Variants in ERC2 observed in about 807,000 individuals in gnomAD.
ERC2 encodes ERC protein 2.
Under a neutral mutation model 114.8 loss-of-function variants are expected in ERC2, and 42 were observed. The ratio of observed to expected loss-of-function variants is 0.37; its 90% CI spans 0.29 to 0.47. The LOEUF is 0.47. Ranked by LOEUF, ERC2 falls within the 20% of genes least tolerant of loss-of-function variation. The pLI is 0.99. For synonymous variants in ERC2, 454 were observed against 425.5 expected, an observed-to-expected ratio of 1.07 and a Z score of -0.82; for missense variants, 939 against 1,150.7, an observed-to-expected ratio of 0.82 and a Z score of 2.66.
At chr3:56,029,787 A>AT (rs1197409954) in intron 7 of ERC2, among the ~76,000 whole-genome samples, 10 of 151,344 alleles carry the variant, frequency 6.6e-5, no homozygotes, top group Admixed American at 5.9e-4. Flanking sequence ...AATGTTATTG[A>AT]TTTTCTCTGT....
At chr3:56,192,198 G>C (rs901854904) in intron 3 of ERC2, among the ~76,000 whole-genome samples, 2 of 152,130 alleles carry the variant, frequency 1.3e-5, no homozygotes, top group African/African-American at 4.8e-5. Context: ...ATCTCTGGGA[G>C]GGTTGGGCAG....
At chr3:55,750,625 G>T (rs1402117681) in intron 14 of ERC2, among the ~76,000 whole-genome samples, 1 of 152,166 alleles carries the variant, frequency 6.6e-6, no homozygotes, top group Non-Finnish European at 1.5e-5. Flanking sequence ...GTGGCTTCCA[G>T]ATGGGGTAAG....
chr3:55,750,623 C>T (rs1230659647), intron 14 of ERC2, among the ~76,000 whole-genome samples: 6 of 152,126 alleles, frequency 3.9e-5, no homozygotes, highest in Non-Finnish European at 1.5e-5. Flanking sequence ...GAGTGGCTTC[C>T]AGATGGGGTA....
Position 55,992,114 on chromosome 3 carries a change from A to C in ERC2, c.2198T>G (p.Leu733Arg). 1 of 1,613,904 alleles carries C rather than the reference A, an allele frequency of 6.2e-7. No individual in the cohort carries two copies. The change falls in exon 11 of 18, where the codon CTC (leucine) becomes CGC (arginine). Residue 733 changes from leucine (L) to arginine (R), a missense_variant. This residue lies in a region of ERC2 where 328 missense variants were observed against 353.9 expected (regional missense o/e 0.93). Transcript: ENST00000288221. Reference sequence around the variant, plus strand: ...ATTCTTCTCATTCTCCACCTCCTTGAGGATCTCCAGCAACCGGTCCACTTC... The same window carrying C: ...ATTCTTCTCATTCTCCACCTCCTTGCGGATCTCCAGCAACCGGTCCACTTC... ...QAEVDRLLEI[L>R]KEVENEKNDK...
chr3:55,752,403 C>T (rs577204421), intron 14 of ERC2, among the ~76,000 whole-genome samples: 11 of 152,168 alleles, frequency 7.2e-5, no homozygotes, highest in African/African-American at 2.4e-4. Context: ...AGTATTTACA[C>T]GATGGAAATT....
chr3:55,691,449 C>T (rs1299302929), intron 16 of ERC2, among the ~76,000 whole-genome samples: 3 of 147,626 alleles, frequency 2.0e-5, no homozygotes, highest in African/African-American at 7.6e-5. Context: ...TAAGAGGTTT[C>T]TTCATGGGTT....
intron 14 of ERC2, among the ~76,000 whole-genome samples, chr3:55,767,132 G>A (rs2067854510): frequency 6.6e-6 from 1 of 152,188 alleles, no homozygotes. Context: ...TGACTTAAAT[G>A]GCAGGGAGGT....
chr3:55,562,220 C>G (rs2056073445), intron 17 of ERC2, among the ~76,000 whole-genome samples: 1 of 151,528 alleles, frequency 6.6e-6, no homozygotes, highest in South Asian at 2.1e-4. Flanking sequence ...GGTGTGATCC[C>G]TGCTCACTGC....
At chr3:56,403,204 T>C (rs1048348228) in intron 2 of ERC2, among the ~76,000 whole-genome samples, 6 of 152,232 alleles carry the variant, frequency 3.9e-5, no homozygotes, top group Non-Finnish European at 2.9e-5. Context: ...ATTCTAATTT[T>C]CTAGATGCCT....
chr3:56,089,075 G>A (rs1421673731), intron 6 of ERC2, among the ~76,000 whole-genome samples: 1 of 152,112 alleles, frequency 6.6e-6, no homozygotes, highest in Admixed American at 6.6e-5. Context: ...TACACTCTAT[G>A]GTATGTGTGC....
intron 2 of ERC2, among the ~76,000 whole-genome samples, chr3:56,418,810 C>G (rs1390649159): frequency 6.6e-6 from 1 of 152,194 alleles, no homozygotes; most frequent in Admixed American, 6.5e-5. Context: ...CCCCAACTCC[C>G]CCATCCCAAA....
At chr3:55,935,633 G>A (rs1401173271) in intron 13 of ERC2, among the ~76,000 whole-genome samples, 1 of 152,206 alleles carries the variant, frequency 6.6e-6, no homozygotes, top group African/African-American at 2.4e-5. Flanking sequence ...CTGAGAACCT[G>A]CTGGCTCATT....
chr3:55,735,175 C>A (rs2065550691), intron 14 of ERC2, among the ~76,000 whole-genome samples: 1 of 152,146 alleles, frequency 6.6e-6, no homozygotes. Context: ...AGGGACAAAT[C>A]TGAGCATTCA....
chr3:55,798,905 A>G (rs1252377855), intron 14 of ERC2, among the ~76,000 whole-genome samples: 1 of 151,756 alleles, frequency 6.6e-6, no homozygotes, highest in African/African-American at 2.4e-5. Flanking sequence ...ATTATTTTTA[A>G]AAAATAATTT....
intron 17 of ERC2, among the ~76,000 whole-genome samples, chr3:55,600,335 C>CA (rs1368820915): frequency 1.3e-5 from 2 of 152,140 alleles, no homozygotes; most frequent in Non-Finnish European, 1.5e-5. Context: ...TAATCTGGCA[C>CA]AATTGTTGAC....
chr3:56,118,883 G>A lies in ERC2; in HGVS notation c.1473+20626C>T, dbSNP rs1316782490. Reference sequence around the variant, plus strand: ...GATCTCCTGACCTTGTGACCCACCCGCCTCGGCCTCCCAAAGTGCTGGGAT... The same window carrying A: ...GATCTCCTGACCTTGTGACCCACCCACCTCGGCCTCCCAAAGTGCTGGGAT... On this transcript the variant is annotated intron_variant, in intron 6 of 17. Transcript: ENST00000288221. Among the ~76,000 whole-genome samples, 40 of 152,132 alleles carry A rather than the reference G, an allele frequency of 2.6e-4. 1 individual carries two copies. The highest frequency in any genetic ancestry group is 2.6e-3 in the Admixed American group (39 of 15,278).
At chr3:56,144,640 G>C (rs1235933900) in intron 5 of ERC2, among the ~76,000 whole-genome samples, 7 of 152,218 alleles carry the variant, frequency 4.6e-5, no homozygotes, top group Non-Finnish European at 7.3e-5. Context: ...GGTTTAGTCA[G>C]GAGGAAGGGC....
rs1223859729 is a variant in ERC2, at chr3:55,508,688, G to A, written c.*2628C>T. ...ATAGAGCTTACGTCAACACATCTGAGGTCTCGTCATAAACACTGTTTAAAA... is the reference window on the plus strand; with the variant it reads ...ATAGAGCTTACGTCAACACATCTGAAGTCTCGTCATAAACACTGTTTAAAA... On this transcript the variant is annotated 3_prime_UTR_variant, in exon 18 of 18. Transcript: ENST00000288221. 2 of 152,380 alleles carry A rather than the reference G, an allele frequency of 1.3e-5. No homozygotes were observed. The highest frequency in any genetic ancestry group is 2.9e-5 in the Non-Finnish European group (2 of 68,008). The allele number at this position is 152,380 out of a possible 1,614,324, so 9.4% of individuals were successfully genotyped here. A position where few individuals can be genotyped will look rare whatever the true frequency, so the allele number is the denominator to read the frequency against.
intron 14 of ERC2, among the ~76,000 whole-genome samples, chr3:55,853,844 T>A (rs1184608557): frequency 6.6e-6 from 1 of 152,138 alleles, no homozygotes; most frequent in East Asian, 1.9e-4. Context: ...GTGGTGGTGA[T>A]GGCTGCACAA....
Sources: gnomAD v4.1 joint callset for allele counts (sites outside exome capture counted in the v4.1 genomes callset) on GRCh38, gnomAD v4.1.1 for gene constraint, gnomAD v4.1.1 regional missense constraint, MANE v1.5 for transcripts, NCBI Gene and HGNC (gene_info 2026-07-23, HGNC 2026-07-21) for gene names.